Variants in DTNB observed in about 807,000 individuals in gnomAD.
DTNB encodes dystrobrevin beta, also known as DTN-B.
A neutral mutation model predicts 90.7 loss-of-function variants in DTNB; 63 were observed. The ratio of observed to expected loss-of-function variants is 0.69; its 90% CI spans 0.57 to 0.86. The LOEUF (loss-of-function observed/expected upper bound fraction) is 0.86, where lower values mean the gene tolerates loss of function less well. Ranked by LOEUF, DTNB falls within the 40% of genes least tolerant of loss-of-function variation. The pLI, the probability that DTNB is intolerant of heterozygous loss-of-function variation, is 0.00. For missense variants in DTNB, 744 were observed against 807.1 expected, an observed-to-expected ratio of 0.92 and a Z score of 0.95; for synonymous variants, 277 against 286.7, an observed-to-expected ratio of 0.97 and a Z score of 0.34.
chr2:25,515,076 C>T (rs1324060488), intron 9 of DTNB, among the ~76,000 whole-genome samples: 1 of 152,000 alleles, frequency 6.6e-6, no homozygotes, highest in Non-Finnish European at 1.5e-5. Flanking sequence ...ACAGTTGTGG[C>T]TACTGCTAAG....
At chr2:25,569,089 A>T (rs185429793) in intron 8 of DTNB, among the ~76,000 whole-genome samples, 1 of 152,240 alleles carries the variant, frequency 6.6e-6, no homozygotes, top group East Asian at 1.9e-4. Context: ...GGCCTTCCCC[A>T]TCCCAGGGCA....
chr2:25,496,069 G>A (rs529177040), intron 9 of DTNB, among the ~76,000 whole-genome samples: 1 of 152,258 alleles, frequency 6.6e-6, no homozygotes, highest in East Asian at 1.9e-4. Flanking sequence ...TAGAGACATG[G>A]AGAGGAAGCC....
In DTNB at chr2:25,523,829, G is replaced by A. The variant is rs144970892; in HGVS notation, c.1001+7644C>T. On this transcript the variant is annotated intron_variant, in intron 9 of 20. Coordinates refer to ENST00000406818, the MANE Select transcript of DTNB (RefSeq NM_021907.5). The stretch of plus-strand genomic sequence containing the variant: ...GTATTAGGGAACTTTTTCAAAAGGT[G>A]GATTCTTAGGCCACTTCCAGAATTA... Among the ~76,000 whole-genome samples, 646 of 151,730 alleles carry A rather than the reference G, an allele frequency of 4.3e-3. 4 individuals are homozygous for A. The highest frequency in any genetic ancestry group is 0.015 in the African/African-American group (607 of 41,354).
intron 8 of DTNB, among the ~76,000 whole-genome samples, chr2:25,562,092 A>G (rs993228754): frequency 2.6e-5 from 4 of 152,270 alleles, no homozygotes; most frequent in Non-Finnish European, 4.4e-5. Context: ...GGAAACTACT[A>G]ATGTACATTC....
chr2:25,652,548 AC>A (rs772830776), intron 2 of DTNB, 45 bp downstream of exon 2: 3 of 1,548,632 alleles, frequency 1.9e-6, no homozygotes, highest in African/African-American at 1.4e-5. Flanking sequence ...AAAAAAAAAA[AC>A]CACACAAACA....
intron 1 of DTNB, among the ~76,000 whole-genome samples, chr2:25,672,558 T>G (rs1389961113): frequency 3.3e-5 from 5 of 152,204 alleles, no homozygotes. Context: ...AGGCTTCTTT[T>G]GACCTTTCTG....
chr2:25,608,451 A>G (rs1272969044), intron 4 of DTNB, among the ~76,000 whole-genome samples: 2 of 152,252 alleles, frequency 1.3e-5, no homozygotes, highest in African/African-American at 2.4e-5. Flanking sequence ...TCATAAAACA[A>G]AATAGGAATG....
chr2:25,580,960 C>T, intron 6 of DTNB, 134 bp from the exon 7 acceptor site: 1 of 666,938 alleles, frequency 1.5e-6, no homozygotes, highest in Non-Finnish European at 2.5e-6. Context: ...AAATATTTTA[C>T]ATTACTACAG....
At chr2:25,550,726 T>A (rs974167099) in intron 8 of DTNB, among the ~76,000 whole-genome samples, 3 of 152,198 alleles carry the variant, frequency 2.0e-5, no homozygotes, top group African/African-American at 7.2e-5. Flanking sequence ...CTTGGCTCAC[T>A]GCAACCTCCG....
At position 25,432,937 on chromosome 2, in the gene DTNB, G is replaced by A. The variant is rs1477499469; in HGVS notation, c.1406C>T (p.Pro469Leu). 6.2e-7 allele frequency: 1 copy of A among 1,611,196 alleles called. No homozygotes were observed. Among genetic ancestry groups the A allele is most frequent in the Non-Finnish European group, 8.5e-7 (1 of 1,179,394 alleles). The change falls in exon 14 of 21, where the codon CCT (proline) becomes CTT (leucine). Residue 469 changes from proline (P) to leucine (L), a missense_variant. Coordinates refer to ENST00000406818, the MANE Select transcript of DTNB (RefSeq NM_021907.5). ...CGTGGGGTTCTGCTGTGCCTTCTCA[G>A]GGGTGGGCTGGGAGGCCTGCTCGTG... ...LEHEQASQPT[P>L]EKAQQNPTLL...
At chr2:25,384,083 C>T (rs781627467) in intron 18 of DTNB, among the ~76,000 whole-genome samples, 194 bp from the exon 19 acceptor site, 17 of 152,244 alleles carry the variant, frequency 1.1e-4, no homozygotes, top group Non-Finnish European at 1.9e-4. Context: ...AATAGGAGCC[C>T]GTAAGACCAC....
chr2:25,669,702 C>T (rs80003718), intron 1 of DTNB, among the ~76,000 whole-genome samples: 1,750 of 152,192 alleles, frequency 0.011, 57 homozygotes, highest in East Asian at 0.093. Flanking sequence ...AGTCCACAAC[C>T]GGGCCAGGTG....
intron 3 of DTNB, among the ~76,000 whole-genome samples, chr2:25,637,469 G>C (rs889361975): frequency 6.6e-6 from 1 of 152,042 alleles, no homozygotes; most frequent in African/African-American, 2.4e-5. Flanking sequence ...TCTGACAAAG[G>C]GCTAATATCC....
At chr2:25,578,344 T>C (rs945889573) in intron 7 of DTNB, among the ~76,000 whole-genome samples, 1 of 152,250 alleles carries the variant, frequency 6.6e-6, no homozygotes, top group Non-Finnish European at 1.5e-5. Flanking sequence ...TAAGAGCATG[T>C]GCTCCAAATT....
chr2:25,672,892 C>G (rs1013707432), intron 1 of DTNB: 7 of 152,212 alleles, frequency 4.6e-5, no homozygotes, highest in Non-Finnish European at 1.0e-4. Flanking sequence ...CCAGGGTGAC[C>G]TCCTGGACAG....
chr2:25,555,001 T>TA (rs1472713058), intron 8 of DTNB, among the ~76,000 whole-genome samples: 4 of 152,158 alleles, frequency 2.6e-5, no homozygotes, highest in South Asian at 2.1e-4. Flanking sequence ...TTCTTTTTTT[T>TA]AAAAAAAGAT....
intron 8 of DTNB, among the ~76,000 whole-genome samples, chr2:25,541,182 T>C (rs2081176547): frequency 6.6e-6 from 1 of 151,888 alleles, no homozygotes; most frequent in African/African-American, 2.4e-5. Context: ...TAAAAATATA[T>C]ATATATACAG....
At chr2:25,543,053 T>C (rs1433363675) in intron 8 of DTNB, among the ~76,000 whole-genome samples, 2 of 152,202 alleles carry the variant, frequency 1.3e-5, no homozygotes, top group Non-Finnish European at 2.9e-5. Flanking sequence ...TTTTTATCTT[T>C]GATAAACCAT....
intron 18 of DTNB, chr2:25,386,013 C>T (rs923501342): frequency 4.1e-6 from 4 of 985,138 alleles, no homozygotes; most frequent in African/African-American, 1.7e-5. Flanking sequence ...TTAGGGAAAG[C>T]GCCTTCTAAT....
Sources: gnomAD v4.1 joint callset for allele counts (sites outside exome capture counted in the v4.1 genomes callset) on GRCh38, gnomAD v4.1.1 for gene constraint, MANE v1.5 for transcripts, NCBI Gene and HGNC (gene_info 2026-07-23, HGNC 2026-07-21) for gene names.